The following SORCS2 variants were observed in gnomAD, a reference collection of about 807,000 sequenced individuals.
The protein encoded by SORCS2 is sortilin related VPS10 domain containing receptor 2.
In SORCS2, 100 loss-of-function variants were observed where a neutral mutation model predicts 141.6. That is an observed-to-expected ratio of 0.71 (90% confidence interval 0.60 to 0.83). The LOEUF (loss-of-function observed/expected upper bound fraction) is 0.83. SORCS2 is among the 40% of genes least tolerant of loss of function. The pLI is 0.00. For missense variants in SORCS2, 1,646 were observed against 1,560.2 expected (o/e 1.05, Z -0.93); for synonymous variants, 789 against 676.9 (o/e 1.17, Z -2.57).
chr4:7,736,602 G>A (rs540327805), intron 25 of SORCS2, among the ~76,000 whole-genome samples: 3 of 152,268 alleles, frequency 2.0e-5, no homozygotes, highest in South Asian at 2.1e-4. Flanking sequence ...CCCTTTCCTC[G>A]CTGGGAAATC....
At chr4:7,344,035 G>A (rs1292877362) in intron 1 of SORCS2, among the ~76,000 whole-genome samples, 1 of 152,210 alleles carries the variant, frequency 6.6e-6, no homozygotes, top group Admixed American at 6.5e-5. Context: ...GCCCCAAGAT[G>A]TTCTTTCTCC....
chr4:7,197,237 C>T (rs1727225349), intron 1 of SORCS2, among the ~76,000 whole-genome samples: 1 of 152,196 alleles, frequency 6.6e-6, no homozygotes, highest in Admixed American at 6.5e-5. Flanking sequence ...AGGGCTTATT[C>T]TAACCACCTC....
chr4:7,334,867 G>A (rs1719889150), intron 1 of SORCS2, among the ~76,000 whole-genome samples: 1 of 152,186 alleles, frequency 6.6e-6, no homozygotes, highest in Non-Finnish European at 1.5e-5. Flanking sequence ...CTGGCAGGGT[G>A]GGAGTTCTTG....
chr4:7,601,938 C>T (rs1270382362), intron 3 of SORCS2, among the ~76,000 whole-genome samples: 2 of 152,200 alleles, frequency 1.3e-5, no homozygotes, highest in East Asian at 1.9e-4. Flanking sequence ...CTTAATCCAT[C>T]TAACCCTGAG....
intron 1 of SORCS2, among the ~76,000 whole-genome samples, chr4:7,282,247 A>G (rs1330967823): frequency 6.6e-6 from 1 of 152,134 alleles, no homozygotes; most frequent in Non-Finnish European, 1.5e-5. Flanking sequence ...CTCCCTAACG[A>G]TGTTTAAATA....
chr4:7,543,923 C>CCCATCCACCCAT (rs1713006438), intron 3 of SORCS2, among the ~76,000 whole-genome samples: 1 of 9,930 alleles, frequency 1.0e-4, no homozygotes. Context: ...CACCCATCCA[C>CCCATCCACCCAT]CCATCCACCC....
chr4:7,672,319 A>G (rs913669528), intron 8 of SORCS2, among the ~76,000 whole-genome samples: 2 of 152,188 alleles, frequency 1.3e-5, no homozygotes, highest in Non-Finnish European at 2.9e-5. Context: ...GCAATAATCA[A>G]TATGATCATC....
At chr4:7,459,064 A>T (rs1729120187) in intron 2 of SORCS2, among the ~76,000 whole-genome samples, 1 of 151,596 alleles carries the variant, frequency 6.6e-6, no homozygotes, top group Non-Finnish European at 1.5e-5. Context: ...GTCCTCCCCG[A>T]TATTGCTCCC....
chr4:7,724,763 GTGATGA>G (rs1242910314), intron 19 of SORCS2, among the ~76,000 whole-genome samples: 17 of 65,602 alleles, frequency 2.6e-4, no homozygotes, highest in Non-Finnish European at 3.5e-4. Context: ...GGTGGTGTTG[GTGATGA>G]TGGTGGTGAT....
intron 2 of SORCS2, among the ~76,000 whole-genome samples, chr4:7,480,439 G>A (rs71645802): frequency 6.6e-6 from 1 of 152,152 alleles, no homozygotes; most frequent in Admixed American, 6.5e-5. Flanking sequence ...TACAGCCCGG[G>A]GGGTTGGAGG....
At chr4:7,239,747 A>G (rs56266722) in intron 1 of SORCS2, among the ~76,000 whole-genome samples, 1,917 of 152,338 alleles carry the variant, frequency 0.013, 36 homozygotes, top group African/African-American at 0.043. Flanking sequence ...TTCTGAAAAG[A>G]CCACTTTTGC....
At chr4:7,424,796 C>T (rs898159280) in intron 2 of SORCS2, among the ~76,000 whole-genome samples, 2 of 152,222 alleles carry the variant, frequency 1.3e-5, no homozygotes, top group Non-Finnish European at 2.9e-5. Context: ...TCAGCACACA[C>T]AGGCCCCCAC....
At chr4:7,596,688 C>T (rs1358862071) in intron 3 of SORCS2, among the ~76,000 whole-genome samples, 1 of 152,148 alleles carries the variant, frequency 6.6e-6, no homozygotes, top group East Asian at 1.9e-4. Context: ...CCTTTAGCAC[C>T]TCCTGGCAGG....
At chr4:7,232,908 C>T (rs1007259624) in intron 1 of SORCS2, among the ~76,000 whole-genome samples, 4 of 152,184 alleles carry the variant, frequency 2.6e-5, no homozygotes, top group Non-Finnish European at 4.4e-5. Context: ...GGACCCCCAC[C>T]CTTGGGGAGT....
At chr4:7,507,711 G>T (rs1016762449) in intron 2 of SORCS2, among the ~76,000 whole-genome samples, 2 of 149,718 alleles carry the variant, frequency 1.3e-5, no homozygotes, top group East Asian at 2.1e-4. Context: ...TCCAATCAGT[G>T]GGGAAAAATG....
At chr4:7,459,596 G>A (rs1017175673) in intron 2 of SORCS2, among the ~76,000 whole-genome samples, 15 of 152,156 alleles carry the variant, frequency 9.9e-5, no homozygotes, top group Admixed American at 6.5e-4. Context: ...TGAGGCAGCC[G>A]CCTCTCAGAG....
At chr4:7,612,048 C>T (rs569233360) in intron 3 of SORCS2, among the ~76,000 whole-genome samples, 8 of 152,140 alleles carry the variant, frequency 5.3e-5, no homozygotes, top group Admixed American at 3.3e-4. Context: ...AAGAGGACAG[C>T]GGAAGGTGAC....
intron 2 of SORCS2, among the ~76,000 whole-genome samples, chr4:7,407,102 A>G (rs185562410): frequency 4.6e-5 from 7 of 152,208 alleles, no homozygotes; most frequent in African/African-American, 1.2e-4. Flanking sequence ...GTGGCCTAAG[A>G]TATGGTCTAT....
intron 1 of SORCS2, among the ~76,000 whole-genome samples, chr4:7,360,568 C>CTTCTTTTT (rs1721520106): frequency 4.5e-5 from 1 of 22,366 alleles, no homozygotes; most frequent in Non-Finnish European, 9.0e-5. Flanking sequence ...CTCCCAGTCC[C>CTTCTTTTT]TTCTTTTTTT....
Sources: gnomAD v4.1 joint callset for allele counts (sites outside exome capture counted in the v4.1 genomes callset) on GRCh38, gnomAD v4.1.1 for gene constraint, MANE v1.5 for transcripts, NCBI Gene and HGNC (gene_info 2026-07-23, HGNC 2026-07-21) for gene names.